GPR83: variants seen among roughly 807,000 people sequenced by gnomAD.
The protein encoded by GPR83 is G-protein coupled receptor 72.
Under a neutral mutation model 28.0 loss-of-function variants are expected in GPR83, and 23 were observed. That is an observed-to-expected ratio of 0.82 (90% CI 0.59 to 1.16). The LOEUF is 1.16. Ranked by LOEUF, GPR83 falls within the 50% of genes most tolerant of loss-of-function variation. GPR83 has a pLI of 0.00. For missense variants in GPR83, 610 were observed against 536.6 expected (o/e 1.14, Z -1.35); for synonymous variants, 234 against 215.4 (o/e 1.09, Z -0.76).
Position 94,378,125 on chromosome 11 carries a change from C to T in GPR83, c.*2024G>A, listed in dbSNP as rs1229821877. The T allele has an allele frequency of 6.6e-6, 1 of 152,152 alleles. No individual in the cohort carries two copies. The highest frequency in any genetic ancestry group is 6.5e-5 in the Admixed American group (1 of 15,268). 9.4% of individuals were successfully genotyped at this position (152,152 alleles called of 1,614,324 possible). ...GGGATCCCTGTGGGCTTAGAAGACT[C>T]TGTCTGCCCAATGAAAGTCATGGTT... On this transcript the variant is annotated 3_prime_UTR_variant, in exon 4 of 4. Coordinates refer to ENST00000243673, the MANE Select transcript of GPR83 (RefSeq NM_016540.4).
intron 1 of GPR83, among the ~76,000 whole-genome samples, chr11:94,396,917 T>G (rs1329415640): frequency 6.6e-6 from 1 of 150,836 alleles, no homozygotes; most frequent in African/African-American, 2.4e-5. Flanking sequence ...AGGCTTAGTA[T>G]AAGGTTTAAA....
At chr11:94,394,943 G>A (rs1010866617) in intron 2 of GPR83, among the ~76,000 whole-genome samples, 4 of 152,206 alleles carry the variant, frequency 2.6e-5, no homozygotes, top group Non-Finnish European at 5.9e-5. Context: ...TCTGGGGTAA[G>A]CATAGGCCAG....
rs181373832 is a variant in GPR83 at position 94,387,087 on chromosome 11, T to C, written c.648-6314A>G. 2.6e-5 allele frequency among the ~76,000 whole-genome samples: 4 copies of C among 152,242 alleles called. No homozygotes were observed. In the East Asian group the frequency reaches 7.7e-4, roughly 29 times the overall value. On this transcript the variant is annotated intron_variant, in intron 3 of 3. Coordinates refer to ENST00000243673, the MANE Select transcript of GPR83 (RefSeq NM_016540.4). ...TGCTCCTGAATGACTACTGGGTACA[T>C]AATGAAATGAAGGCAGAAATAAAGA...
In GPR83 at chr11:94,379,749, T is replaced by G. The variant is rs1944664777; in HGVS notation, c.*400A>C. On this transcript the variant is annotated 3_prime_UTR_variant, in exon 4 of 4. Coordinates refer to ENST00000243673, the MANE Select transcript of GPR83 (RefSeq NM_016540.4). ...TGTTTCAAGCAGAGCTCTGTGCATC[T>G]GGGTCACCACACCCAAAGTATGATT... 3 of 158,942 alleles carry G rather than the reference T, an allele frequency of 1.9e-5. No homozygotes were observed. Among genetic ancestry groups the G allele is most frequent in the Non-Finnish European group, 2.8e-5 (2 of 72,626 alleles). 9.8% of individuals were successfully genotyped at this position (158,942 alleles called of 1,614,324 possible). A position where few individuals can be genotyped will look rare whatever the true frequency, so the allele number is the denominator to read the frequency against.
At chr11:94,391,821 C>A (rs1331983497) in intron 3 of GPR83, among the ~76,000 whole-genome samples, 7 of 152,136 alleles carry the variant, frequency 4.6e-5, no homozygotes, top group Admixed American at 4.6e-4. Context: ...AGTCAGGAAA[C>A]AATTGATGCT....
intron 3 of GPR83, among the ~76,000 whole-genome samples, chr11:94,386,601 G>A (rs921538755): frequency 2.0e-5 from 3 of 152,074 alleles, no homozygotes; most frequent in African/African-American, 7.2e-5. Context: ...TAATGGTAAA[G>A]GGATCAATTC....
Position 94,380,049 on chromosome 11 carries a change from A to T in GPR83, c.*100T>A. ...TCAAGAGTCCTACAGCTTCTGCAGG[A>T]GTGTGTTTCCAGCACTCTGAAGATC... On this transcript the variant is annotated 3_prime_UTR_variant, in exon 4 of 4. Transcript: ENST00000243673. 1 of 925,754 alleles carries T rather than the reference A, an allele frequency of 1.1e-6. No homozygotes were observed. The highest frequency in any genetic ancestry group is 1.6e-6 in the Non-Finnish European group (1 of 632,666). The allele number at this position is 925,754 out of a possible 1,614,324, so 57.3% of individuals were successfully genotyped here. A position where few individuals can be genotyped will look rare whatever the true frequency, so the allele number is the denominator to read the frequency against.
chr11:94,386,401 G>C (rs1293761856), intron 3 of GPR83, among the ~76,000 whole-genome samples: 4 of 152,260 alleles, frequency 2.6e-5, no homozygotes, highest in Admixed American at 1.3e-4. Flanking sequence ...GACACAGCCT[G>C]GCAAATTGGA....
chr11:94,398,071 T>G (rs1462795713), intron 1 of GPR83, among the ~76,000 whole-genome samples: 13 of 152,160 alleles, frequency 8.5e-5, no homozygotes, highest in Admixed American at 8.5e-4. Flanking sequence ...TTTTCAAAAC[T>G]GTTCCCTCTT....
At chr11:94,390,156 A>C (rs549204758) in intron 3 of GPR83, among the ~76,000 whole-genome samples, 31 of 149,490 alleles carry the variant, frequency 2.1e-4, no homozygotes, top group Non-Finnish European at 1.5e-5. Flanking sequence ...AATATCACAC[A>C]CTGGGGACTG....
In GPR83 at chr11:94,396,388, G is replaced by A. The variant is rs372074529; in HGVS notation, c.513+11C>T. On this transcript the variant is annotated intron_variant, in intron 2 of 3. Coordinates refer to ENST00000243673, the MANE Select transcript of GPR83 (RefSeq NM_016540.4). ...AGGGAAGAGCAGAGCATTAGGGGTA[G>A]GTGCCCTCACCTGGTGGCGATCCAC... The A allele has an allele frequency of 6.7e-5, 108 of 1,612,780 alleles. No homozygotes were observed. Among genetic ancestry groups the A allele is most frequent in the Non-Finnish European group, 9.1e-5 (107 of 1,179,302 alleles).
intron 3 of GPR83, among the ~76,000 whole-genome samples, chr11:94,387,459 G>T (rs1944771503): frequency 6.6e-6 from 1 of 151,932 alleles, no homozygotes; most frequent in Non-Finnish European, 1.5e-5. Flanking sequence ...AAAGAGAGAA[G>T]AATCAAATAG....
At chr11:94,384,338 G>C (rs1041418660) in intron 3 of GPR83, among the ~76,000 whole-genome samples, 1 of 152,138 alleles carries the variant, frequency 6.6e-6, no homozygotes, top group South Asian at 2.1e-4. Context: ...ATATCTCAAA[G>C]TAATAAGAAC....
At position 94,380,685 on chromosome 11, in the gene GPR83, G is replaced by C; in HGVS notation, c.736C>G (p.Leu246Val). 1 of 1,613,716 alleles carries C rather than the reference G, an allele frequency of 6.2e-7. No homozygotes were observed. Among genetic ancestry groups the C allele is most frequent in the South Asian group, 1.1e-5 (1 of 91,042 alleles). ...ATGAGGAGGGGCAGGATGTAGAGCA[G>C]GATGAAGGTGGCCAAGTCCAGGTAC... ...WKYLDLATFI[L>V]LYILPLLIIS... Residue 246 changes from leucine to valine, a missense_variant, in exon 4 of 4, where the codon CTG becomes GTG. By Grantham distance (32) the Leu-to-Val change is conservative. Coordinates refer to ENST00000243673, the MANE Select transcript of GPR83 (RefSeq NM_016540.4).
chr11:94,385,733 G>C (rs1944747371), intron 3 of GPR83, among the ~76,000 whole-genome samples: 1 of 152,238 alleles, frequency 6.6e-6, no homozygotes, highest in African/African-American at 2.4e-5. Flanking sequence ...TGGTGTATCT[G>C]AAAGTGACGG....
chr11:94,395,328 C>T (rs931383918), intron 2 of GPR83, among the ~76,000 whole-genome samples: 3 of 152,304 alleles, frequency 2.0e-5, no homozygotes, highest in Middle Eastern at 3.4e-3. Flanking sequence ...CCTCCTATCC[C>T]GTGGTCCTTG....
chr11:94,392,825 CAAA>C (rs61184055), intron 3 of GPR83, among the ~76,000 whole-genome samples: 1 of 141,388 alleles, frequency 7.1e-6, no homozygotes, highest in Non-Finnish European at 1.6e-5. Flanking sequence ...GACTCTGTCT[CAAA>C]AAAAAAAAAT....
chr11:94,387,337 C>T (rs1203531602), intron 3 of GPR83, among the ~76,000 whole-genome samples: 2 of 152,228 alleles, frequency 1.3e-5, no homozygotes, highest in Non-Finnish European at 2.9e-5. Flanking sequence ...CAGAGCAGAA[C>T]TGAAGGAGAT....
At chr11:94,385,089 G>A (rs965370464) in intron 3 of GPR83, among the ~76,000 whole-genome samples, 2 of 152,284 alleles carry the variant, frequency 1.3e-5, no homozygotes, top group East Asian at 3.9e-4. Context: ...GGCAAACAGG[G>A]TCTGAAGTGG....
Sources: allele counts gnomAD v4.1 joint callset (sites outside exome capture counted in the v4.1 genomes callset), GRCh38; gene constraint gnomAD v4.1.1; transcripts MANE v1.5; gene names NCBI Gene and HGNC (gene_info 2026-07-23, HGNC 2026-07-21).